The following TRHDE variants were observed in gnomAD, a reference collection of about 807,000 sequenced individuals.
TRHDE encodes the protein thyrotropin releasing hormone degrading enzyme.
Under a neutral mutation model 125.7 loss-of-function variants are expected in TRHDE, and 72 were observed. The ratio of observed to expected loss-of-function variants is 0.57; its 90% CI spans 0.47 to 0.70. The LOEUF (loss-of-function observed/expected upper bound fraction) is 0.70. Ranked by LOEUF, TRHDE falls within the 30% of genes least tolerant of loss-of-function variation. The pLI is 0.00. For missense variants in TRHDE, 1,110 were observed against 1,327.1 expected (o/e 0.84, Z 2.54); for synonymous variants, 509 against 509.1 (o/e 1.00, Z 0.00).
chr12:72,152,667 T>C (rs1409508470), intron 2 of TRHDE, among the ~76,000 whole-genome samples: 1 of 152,248 alleles, frequency 6.6e-6, no homozygotes, highest in Admixed American at 6.5e-5. Context: ...GTGTTTTTTG[T>C]CGTTGGTTCT....
chr12:72,317,426 T>C (rs1403392881), intron 2 of TRHDE, among the ~76,000 whole-genome samples: 1 of 152,208 alleles, frequency 6.6e-6, no homozygotes, highest in Non-Finnish European at 1.5e-5. Context: ...TAGAAATTTA[T>C]TTCTCACAGT....
At chr12:72,219,208 A>G (rs1433366598) in intron 2 of TRHDE, among the ~76,000 whole-genome samples, 1 of 151,926 alleles carries the variant, frequency 6.6e-6, no homozygotes, top group Non-Finnish European at 1.5e-5. Flanking sequence ...TACTAATGCA[A>G]TCAAACTCCT....
At chr12:72,413,169 G>A (rs1019457399) in intron 3 of TRHDE, among the ~76,000 whole-genome samples, 8 of 151,884 alleles carry the variant, frequency 5.3e-5, no homozygotes, top group Admixed American at 3.9e-4. Flanking sequence ...ATCCACATAA[G>A]TGTCAGTGTT....
chr12:72,612,260 C>T (rs918637585), intron 12 of TRHDE, among the ~76,000 whole-genome samples: 2 of 152,182 alleles, frequency 1.3e-5, no homozygotes, highest in Non-Finnish European at 2.9e-5. Flanking sequence ...CCTTCCCTAA[C>T]CACCCTGTTT....
chr12:72,117,296 A>G (rs1875467840), intron 2 of TRHDE, among the ~76,000 whole-genome samples: 1 of 152,040 alleles, frequency 6.6e-6, no homozygotes, highest in African/African-American at 2.4e-5. Flanking sequence ...TCAGCATATC[A>G]ATATCCAGTT....
intron 3 of TRHDE, among the ~76,000 whole-genome samples, chr12:72,422,902 A>G (rs933080643): frequency 6.6e-6 from 1 of 152,094 alleles, no homozygotes. Context: ...TCTACTATGT[A>G]ATGACCCAAG....
chr12:72,273,366 G>A lies in TRHDE; in HGVS notation c.723G>A (p.Glu241=). Reference sequence around the variant, plus strand: ...CGGTGGAGAAAGTGCAGCTGGCCGAGGACCGGGCGTTCGGGGCTGTCCCTG... The same window carrying A: ...CGGTGGAGAAAGTGCAGCTGGCCGAAGACCGGGCGTTCGGGGCTGTCCCTG... The part of the protein sequence containing the change: ...RVAVEKVQLA[E]DRAFGAVPVA... Residue 241 remains glutamate, a synonymous_variant, in exon 1 of 19, where the codon GAG becomes GAA. Transcript: ENST00000261180. The surrounding 1 kb of genome is among the most constrained non-coding windows in gnomAD (Gnocchi z 5.3). 6.2e-7 allele frequency: 1 copy of A among 1,614,134 alleles called. No individual in the cohort carries two copies. The highest frequency in any genetic ancestry group is 8.5e-7 in the Non-Finnish European group (1 of 1,180,036).
At chr12:72,437,272 G>A (rs2135850956) in intron 3 of TRHDE, among the ~76,000 whole-genome samples, 1 of 151,978 alleles carries the variant, frequency 6.6e-6, no homozygotes. Flanking sequence ...CTCTGTGGAA[G>A]TAATTATTAT....
chr12:72,505,177 A>T (rs540737820), intron 6 of TRHDE, among the ~76,000 whole-genome samples: 1 of 152,166 alleles, frequency 6.6e-6, no homozygotes, highest in African/African-American at 2.4e-5. Flanking sequence ...TAGTCCCAAG[A>T]CCATTATTAA....
intron 2 of TRHDE, among the ~76,000 whole-genome samples, chr12:72,142,280 T>G (rs115754562): frequency 0.029 from 4,449 of 152,240 alleles, 108 homozygotes; most frequent in African/African-American, 0.065. Context: ...AGGTGCTCAC[T>G]TGGATCTCTT....
intron 7 of TRHDE, among the ~76,000 whole-genome samples, chr12:72,549,648 G>T (rs1869582380): frequency 6.6e-6 from 1 of 151,492 alleles, no homozygotes; most frequent in Non-Finnish European, 1.5e-5. Context: ...TGACTTAATT[G>T]GCATTTAATT....
intron 5 of TRHDE, among the ~76,000 whole-genome samples, chr12:72,481,153 T>C (rs1203195080): frequency 6.6e-6 from 1 of 152,018 alleles, no homozygotes; most frequent in Non-Finnish European, 1.5e-5. Flanking sequence ...GCTATATGTT[T>C]TAAAAGACAT....
chr12:72,258,360 C>G (rs1878865943), intron 2 of TRHDE: 2 of 152,120 alleles, frequency 1.3e-5, no homozygotes, highest in Non-Finnish European at 2.9e-5. Flanking sequence ...AAACCCCAAA[C>G]AGTAAAACCT....
chr12:72,269,157 G>GA (rs1213151024), upstream of TRHDE, among the ~76,000 whole-genome samples: 6 of 151,862 alleles, frequency 4.0e-5, no homozygotes, highest in Admixed American at 1.3e-4. Context: ...ACATTCTCTA[G>GA]AAAAAATAAT....
intron 2 of TRHDE, among the ~76,000 whole-genome samples, chr12:72,367,666 C>G (rs17111101): frequency 0.063 from 9,599 of 152,192 alleles, 612 homozygotes; most frequent in African/African-American, 0.15. Flanking sequence ...TTCTGTTTTC[C>G]TGATTTGTAG....
At chr12:72,298,253 G>A (rs1334392617) in intron 2 of TRHDE, among the ~76,000 whole-genome samples, 1 of 152,146 alleles carries the variant, frequency 6.6e-6, no homozygotes, top group African/African-American at 2.4e-5. Context: ...AGATTGCATG[G>A]TGCACAGCCA....
At chr12:72,558,332 G>C (rs1233254336) in intron 7 of TRHDE, among the ~76,000 whole-genome samples, 1 of 152,166 alleles carries the variant, frequency 6.6e-6, no homozygotes, top group African/African-American at 2.4e-5. Context: ...AAATTGAATT[G>C]AATTGAGGTA....
chr12:72,529,503 T>G (rs1374602950), intron 6 of TRHDE, among the ~76,000 whole-genome samples: 1 of 152,186 alleles, frequency 6.6e-6, no homozygotes, highest in Non-Finnish European at 1.5e-5. Context: ...AGACCTCTAT[T>G]TTATTTATCT....
At chr12:72,584,064 T>G (rs1592553908) in intron 12 of TRHDE, among the ~76,000 whole-genome samples, 1 of 87,022 alleles carries the variant, frequency 1.1e-5, no homozygotes, top group Non-Finnish European at 1.9e-5. Context: ...CCGGAGTAGC[T>G]GGGACTACAA....
Sources: allele counts gnomAD v4.1 joint callset (sites outside exome capture counted in the v4.1 genomes callset), GRCh38; gene constraint gnomAD v4.1.1; non-coding constraint Gnocchi (gnomAD v3.1); transcripts MANE v1.5; gene names NCBI Gene and HGNC (gene_info 2026-07-23, HGNC 2026-07-21).